The following COPA variants were observed in gnomAD, a reference collection of about 807,000 sequenced individuals.
COPA encodes the protein coat protein complex I subunit alpha, also known as coatomer subunit alpha.
COPA carries 10 observed loss-of-function variants against 158.7 expected under a neutral mutation model. That is an observed-to-expected ratio of 0.06 (90% CI 0.04 to 0.11). The LOEUF (loss-of-function observed/expected upper bound fraction) is 0.11, where lower values mean the gene tolerates loss of function less well. Ranked by LOEUF, COPA falls within the 10% of genes least tolerant of loss-of-function variation. The probability of loss-of-function intolerance (pLI) is 1.00; values close to 1 mark genes in which losing one functional copy is unlikely to be tolerated. For synonymous variants in COPA, 462 were observed against 542.8 expected (o/e 0.85, Z 2.07); for missense variants, 1,065 against 1,536.7 (o/e 0.69, Z 5.13).
intron 10 of COPA, among the ~76,000 whole-genome samples, chr1:160,312,263 C>T (rs920471869): frequency 6.6e-6 from 1 of 152,152 alleles, no homozygotes; most frequent in African/African-American, 2.4e-5. Context: ...CTGTGTTCCC[C>T]TAATGCTTTG....
intron 30 of COPA, 77 bp from the exon 31 acceptor site, chr1:160,291,573 C>T (rs1489954366): frequency 1.3e-6 from 2 of 1,512,196 alleles, no homozygotes; most frequent in African/African-American, 2.8e-5. Flanking sequence ...GCTACACATG[C>T]ATAAAAAACA....
chr1:160,296,463 G>A (rs1317429174), intron 21 of COPA, among the ~76,000 whole-genome samples: 3 of 152,206 alleles, frequency 2.0e-5, no homozygotes, highest in Non-Finnish European at 2.9e-5. Flanking sequence ...AGGTCAACAC[G>A]AAAAGAAAGT....
At position 160,294,538 on chromosome 1, in the gene COPA, C is replaced by G; in HGVS notation, c.2622G>C (p.Gln874His). 1 of 1,614,214 alleles carries G rather than the reference C, an allele frequency of 6.2e-7. No individual in the cohort carries two copies. Among genetic ancestry groups the G allele is most frequent in the South Asian group, 1.1e-5 (1 of 91,088 alleles). ...CTACATCCCAGCCACCTCCTTCTTC[C>G]TGTCCCTTGCCAAGAGCATCATCCC... ...GLGDDALGKG[Q>H]EEGGGWDVEE... The change falls in exon 25 of 33, where the codon CAG becomes CAC. Residue 874 changes from glutamine to histidine, a missense_variant. Coordinates refer to ENST00000241704, the MANE Select transcript of COPA (RefSeq NM_004371.4).
intron 31 of COPA, 29 bp downstream of exon 31, chr1:160,291,306 C>T (rs374133821): frequency 3.3e-5 from 53 of 1,611,770 alleles, no homozygotes; most frequent in Non-Finnish European, 4.4e-5. Context: ...ATCTGGCTTC[C>T]CTATGGTCAC....
At chr1:160,336,496 A>G (rs1647769227) in intron 3 of COPA, among the ~76,000 whole-genome samples, 1 of 152,212 alleles carries the variant, frequency 6.6e-6, no homozygotes, top group Non-Finnish European at 1.5e-5. Flanking sequence ...ATTACATGGA[A>G]AATACTACAT....
Position 160,320,209 on chromosome 1 carries a change from C to T in COPA, c.706+3222G>A, listed in dbSNP as rs558560166. 2.6e-5 allele frequency among the ~76,000 whole-genome samples: 4 copies of T among 152,144 alleles called. No homozygotes were observed. In the East Asian group the frequency reaches 7.7e-4, roughly 29 times the overall value. ...AGAAAGGAAACATAACAACTGAGACCTCAGAAATACAAAGAATCATTAGAA... is the reference window on the plus strand; with the variant it reads ...AGAAAGGAAACATAACAACTGAGACTTCAGAAATACAAAGAATCATTAGAA... On this transcript the variant is annotated intron_variant, in intron 8 of 32. Transcript: ENST00000241704.
chr1:160,318,774 T>C (rs576887946), intron 8 of COPA, among the ~76,000 whole-genome samples: 1 of 152,186 alleles, frequency 6.6e-6, no homozygotes, highest in East Asian at 1.9e-4. Flanking sequence ...TTCTTGTGTT[T>C]GTGATATAAA....
intron 17 of COPA, among the ~76,000 whole-genome samples, chr1:160,301,235 T>C (rs1160264279): frequency 1.3e-5 from 2 of 152,206 alleles, no homozygotes; most frequent in African/African-American, 4.8e-5. Flanking sequence ...ACCCCAATGC[T>C]GGCTGAGCAT....
chr1:160,329,988 C>A (rs140427109), intron 6 of COPA, among the ~76,000 whole-genome samples: 1 of 151,850 alleles, frequency 6.6e-6, no homozygotes, highest in Non-Finnish European at 1.5e-5. Context: ...GGTGGCATGC[C>A]CTTGTAGTCC....
chr1:160,300,344 AAAATAAATAAATAAATAAATAAAT>A (rs36034271), intron 17 of COPA, among the ~76,000 whole-genome samples: 6 of 138,900 alleles, frequency 4.3e-5, no homozygotes, highest in East Asian at 4.2e-4. Flanking sequence ...ACTCCGACTC[AAAATAAATAAATAAATAAATAAAT>A]AAATAAATAA....
intron 31 of COPA, 102 bp from the exon 32 acceptor site, chr1:160,290,788 C>G: frequency 1.8e-6 from 2 of 1,094,000 alleles, no homozygotes; most frequent in Non-Finnish European, 2.7e-6. Flanking sequence ...TGAGACACAA[C>G]TGTACTGCGT....
intron 17 of COPA, among the ~76,000 whole-genome samples, chr1:160,302,946 G>C (rs904053000): frequency 2.0e-5 from 3 of 152,146 alleles, no homozygotes; most frequent in Non-Finnish European, 4.4e-5. Flanking sequence ...GCTGATGTGG[G>C]AGGATGGCTT....
chr1:160,341,004 A>G (rs1446240173), intron 1 of COPA, among the ~76,000 whole-genome samples: 1 of 152,204 alleles, frequency 6.6e-6, no homozygotes, highest in African/African-American at 2.4e-5. Context: ...TACGACAATC[A>G]CAGGACTCAC....
intron 17 of COPA, among the ~76,000 whole-genome samples, chr1:160,300,654 C>T (rs1189124937): frequency 3.3e-5 from 5 of 152,062 alleles, no homozygotes; most frequent in South Asian, 2.1e-4. Context: ...AACCTTGATA[C>T]TAAAACCTAA....
Position 160,289,104 on chromosome 1 carries a change from G to A in COPA, c.*1053C>T, listed in dbSNP as rs1658132527. Among the ~76,000 whole-genome samples the A allele has an allele frequency of 6.6e-6, 1 of 151,386 alleles. No homozygotes were observed. The highest frequency in any genetic ancestry group is 1.5e-5 in the Non-Finnish European group (1 of 67,946). ...TCTGCCTCAGCCTCCAGAGTAGCTG[G>A]GATTACAGGCACCCACCACCATGCC... On this transcript the variant is annotated 3_prime_UTR_variant, in exon 33 of 33. Coordinates refer to ENST00000241704, the MANE Select transcript of COPA (RefSeq NM_004371.4).
At chr1:160,327,017 G>A (rs977094815) in intron 6 of COPA, among the ~76,000 whole-genome samples, 9 of 152,056 alleles carry the variant, frequency 5.9e-5, no homozygotes, top group African/African-American at 2.2e-4. Flanking sequence ...AGTACTTTGT[G>A]GTTTTCAGAG....
chr1:160,341,240 A>G (rs1254784144), intron 1 of COPA, among the ~76,000 whole-genome samples: 3 of 152,256 alleles, frequency 2.0e-5, no homozygotes, highest in Non-Finnish European at 4.4e-5. Flanking sequence ...TAATGCAGTT[A>G]CACATAGACA....
At chr1:160,296,590 CTT>C in intron 21 of COPA, among the ~76,000 whole-genome samples, 1 of 152,248 alleles carries the variant, frequency 6.6e-6, no homozygotes, top group East Asian at 1.9e-4. Flanking sequence ...CTGGCCAACA[CTT>C]TGACTGTAGC....
chr1:160,316,282 C>T (rs566312637), intron 8 of COPA, among the ~76,000 whole-genome samples: 61 of 151,408 alleles, frequency 4.0e-4, no homozygotes, highest in Non-Finnish European at 7.5e-4. Flanking sequence ...CACTTGAACC[C>T]GGGAGGTGGA....
Sources: allele counts gnomAD v4.1 joint callset (sites outside exome capture counted in the v4.1 genomes callset), GRCh38; gene constraint gnomAD v4.1.1; transcripts MANE v1.5; gene names NCBI Gene and HGNC (gene_info 2026-07-23, HGNC 2026-07-21).